XPO5: variants seen among roughly 807,000 people sequenced by gnomAD.
XPO5 encodes exportin 5.
In XPO5, 46 loss-of-function variants were observed where a neutral mutation model predicts 160.6. The observed-to-expected ratio is 0.29, with a 90% confidence interval of 0.23 to 0.37. XPO5 has a LOEUF of 0.37. Among genes scored for constraint, XPO5 ranks in the 10% least tolerant of loss-of-function variants. The pLI is 1.00. For missense variants in XPO5, 1,090 were observed against 1,463.9 expected (o/e 0.74, Z 4.17); for synonymous variants, 537 against 519.3 (o/e 1.03, Z -0.46).
chr6:43,539,411 A>G (rs2127719010), intron 20 of XPO5: 1 of 1,573,610 alleles, frequency 6.4e-7, no homozygotes, highest in South Asian at 1.1e-5. Flanking sequence ...AGAGGCCCCC[A>G]GGAAAAAGTC....
intron 20 of XPO5, among the ~76,000 whole-genome samples, chr6:43,545,473 G>A (rs766849647): frequency 3.9e-4 from 60 of 152,052 alleles, no homozygotes; most frequent in Non-Finnish European, 6.8e-4. Flanking sequence ...TTGGGAGGCC[G>A]AGGTGGACTG....
At chr6:43,535,297 A>C (rs2127712867) in intron 20 of XPO5, among the ~76,000 whole-genome samples, 1 of 151,078 alleles carries the variant, frequency 6.6e-6, no homozygotes, top group Admixed American at 6.6e-5. Context: ...AAAAAACAGA[A>C]GTGTTTCTAT....
In XPO5 at chr6:43,527,711, T is replaced by C. The variant is rs1383325643; in HGVS notation, c.2843A>G (p.Asp948Gly). ...SLLCGEDEAA[D>G]ENPESQEMLE... The stretch of plus-strand genomic sequence containing the variant: ...CATCTCTTGAGACTCTGGGTTTTCA[T>C]CTGCAGCCTCATCTTCTCCACTGCA... Residue 948 changes from aspartate (D) to glycine (G), a missense_variant, in exon 26 of 32, where the codon GAT (aspartate) becomes GGT (glycine). Asp to Gly is a moderately conservative substitution (Grantham distance 94, BLOSUM62 -1). Around this residue, in one of 3 missense-constraint regions of XPO5, gnomAD observed 810 missense variants for 1,139.0 expected, o/e 0.71. Coordinates refer to ENST00000265351, the MANE Select transcript of XPO5 (RefSeq NM_020750.3). 1 of 1,613,866 alleles carries C rather than the reference T, an allele frequency of 6.2e-7. No homozygotes were observed. Among genetic ancestry groups the C allele is most frequent in the African/African-American group, 1.3e-5 (1 of 74,926 alleles).
chr6:43,552,835 G>A (rs1049660889), intron 14 of XPO5, among the ~76,000 whole-genome samples: 1 of 152,196 alleles, frequency 6.6e-6, no homozygotes, highest in Non-Finnish European at 1.5e-5. Context: ...GTGGCGTACA[G>A]TATTCTAAAG....
chr6:43,531,378 C>T, intron 22 of XPO5, 101 bp downstream of exon 22: 1 of 1,059,274 alleles, frequency 9.4e-7, no homozygotes, highest in East Asian at 2.4e-5. Flanking sequence ...AAACTCTTGC[C>T]TCGCCTTACC....
At chr6:43,547,793 T>G in intron 18 of XPO5, 86 bp from the exon 19 acceptor site, 1 of 1,223,360 alleles carries the variant, frequency 8.2e-7, no homozygotes, top group Non-Finnish European at 1.2e-6. Flanking sequence ...GCTATCATTA[T>G]TTGGCCCTTA....
chr6:43,564,255 C>G (rs890023931), intron 8 of XPO5, among the ~76,000 whole-genome samples: 1 of 152,160 alleles, frequency 6.6e-6, no homozygotes, highest in African/African-American at 2.4e-5. Flanking sequence ...TCCAGCCGGG[C>G]ACGGTGGCTC....
At chr6:43,572,865 A>C (rs1561888893) in intron 2 of XPO5, among the ~76,000 whole-genome samples, 3 of 152,232 alleles carry the variant, frequency 2.0e-5, no homozygotes, top group South Asian at 2.1e-4. Context: ...TGATGGGCCA[A>C]AAGTGAATAT....
intron 29 of XPO5, 66 bp from the exon 30 acceptor site, chr6:43,525,034 TCTG>T: frequency 6.3e-7 from 1 of 1,588,194 alleles, no homozygotes; most frequent in South Asian, 1.1e-5. Context: ...CCCCAGTTCT[TCTG>T]AATGATTTAG....
chr6:43,533,176 C>T (rs1472011734), intron 21 of XPO5, among the ~76,000 whole-genome samples: 5 of 148,880 alleles, frequency 3.4e-5, no homozygotes, highest in African/African-American at 1.2e-4. Context: ...TGGGAAATGG[C>T]TTAAAATCTA....
chr6:43,555,988 A>G, intron 12 of XPO5, 24 bp from the exon 13 acceptor site: 1 of 1,612,252 alleles, frequency 6.2e-7, no homozygotes, highest in Non-Finnish European at 8.5e-7. Flanking sequence ...ATGCCAAGGG[A>G]AGGACAGGAA....
rs1176595858 is a variant in XPO5, at chr6:43,528,848, G to A, written c.2755C>T (p.Leu919Phe). The A allele has an allele frequency of 1.2e-6, 2 of 1,613,806 alleles. No homozygotes were observed. Among genetic ancestry groups the A allele is most frequent in the Non-Finnish European group, 1.7e-6 (2 of 1,179,860 alleles). ...EALVSPILGP[L>F]FTYLHMRLSQ... ...CTTACCATATGGAGGTAGGTGAAAA[G>A]AGGTCCGAGGATGGGGGATACCAGG... Residue 919 changes from leucine (L) to phenylalanine (F), a missense_variant, in exon 24 of 32, where the codon CTT becomes TTT. Physicochemically the swap from Leu to Phe is conservative, Grantham distance 22. Around this residue, in one of 3 missense-constraint regions of XPO5, gnomAD observed 810 missense variants for 1,139.0 expected, o/e 0.71. Coordinates refer to ENST00000265351, the MANE Select transcript of XPO5 (RefSeq NM_020750.3).
rs998561184 is a variant in XPO5, at chr6:43,525,819, C to T, written c.3066+20G>A. The T allele has an allele frequency of 6.2e-6, 10 of 1,613,522 alleles. No individual in the cohort carries two copies. Among genetic ancestry groups the T allele is most frequent in the Non-Finnish European group, 7.6e-6 (9 of 1,179,672 alleles). Reference sequence around the variant, plus strand: ...CCACCTGGGCAAGGAGTAAAGGTATCACCTGCTCCTTCTACCCACCTCATG... The same window carrying T: ...CCACCTGGGCAAGGAGTAAAGGTATTACCTGCTCCTTCTACCCACCTCATG... On this transcript the variant is annotated intron_variant, in intron 28 of 31. Coordinates refer to ENST00000265351, the MANE Select transcript of XPO5 (RefSeq NM_020750.3).
rs761099798 is a variant in XPO5 at position 43,570,688 on chromosome 6, C to T, written c.439-4G>A. On this transcript the variant is annotated splice_polypyrimidine_tract_variant and splice_region_variant and intron_variant, in intron 4 of 31. Transcript: ENST00000265351. ...TCACCAATTCTGTCTGTGTTTCCTA[C>T]ACCAATAGAAATAAGCTAGTTAAAA... 4 of 1,597,710 alleles carry T rather than the reference C, an allele frequency of 2.5e-6. No homozygotes were observed. The South Asian group carries it at 3.4e-5, about 14-fold the overall frequency.
chr6:43,564,529 CAA>C (rs113474362), intron 8 of XPO5, among the ~76,000 whole-genome samples: 1 of 133,988 alleles, frequency 7.5e-6, no homozygotes, highest in Non-Finnish European at 1.6e-5. Context: ...AACTCCATCT[CAA>C]AAAAAAAAAA....
At chr6:43,550,434 GA>G (rs1795173044) in intron 15 of XPO5, among the ~76,000 whole-genome samples, 1 of 152,256 alleles carries the variant, frequency 6.6e-6, no homozygotes, top group Non-Finnish European at 1.5e-5. Flanking sequence ...CTGGTCTTGT[GA>G]CACAACATTT....
chr6:43,544,786 GAC>G (rs1794883703), intron 20 of XPO5, among the ~76,000 whole-genome samples: 1 of 152,142 alleles, frequency 6.6e-6, no homozygotes, highest in Admixed American at 6.6e-5. Flanking sequence ...GCCTCTTCTT[GAC>G]TAAATGTTTA....
intron 1 of XPO5, 98 bp downstream of exon 1, chr6:43,575,662 G>T (rs772895943): frequency 1.4e-4 from 161 of 1,112,500 alleles, no homozygotes; most frequent in Non-Finnish European, 2.0e-4. Flanking sequence ...TCCAGGGGCC[G>T]CGTGGGCGGG....
At chr6:43,529,553 CAAAA>C (rs1186641934) in intron 23 of XPO5, 18 of 101,774 alleles carry the variant, frequency 1.8e-4, no homozygotes, top group South Asian at 1.3e-3. Context: ...GACTCCGTCT[CAAAA>C]AAAAAAAAAA....
Sources: allele counts gnomAD v4.1 joint callset (sites outside exome capture counted in the v4.1 genomes callset), GRCh38; gene constraint gnomAD v4.1.1; regional missense constraint gnomAD v4.1.1; transcripts MANE v1.5; gene names NCBI Gene and HGNC (gene_info 2026-07-23, HGNC 2026-07-21).